AK7: variants seen among roughly 807,000 people sequenced by gnomAD.
The protein encoded by AK7 is ATP-AMP transphosphorylase 7.
In AK7, 78 loss-of-function variants were observed where a neutral mutation model predicts 96.6. The ratio of observed to expected loss-of-function variants is 0.81; its 90% CI spans 0.67 to 0.97. AK7 has a LOEUF of 0.97. AK7 is among the 50% of genes least tolerant of loss of function. The probability of loss-of-function intolerance (pLI) is 0.00; values close to 1 mark genes in which losing one functional copy is unlikely to be tolerated. For synonymous variants in AK7, 302 were observed against 317.2 expected (o/e 0.95, Z 0.51); for missense variants, 855 against 887.9 (o/e 0.96, Z 0.47).
chr14:96,404,068 T>C (rs929104380), intron 2 of AK7, among the ~76,000 whole-genome samples: 4 of 146,180 alleles, frequency 2.7e-5, no homozygotes, highest in African/African-American at 1.0e-4. Flanking sequence ...CACTTGGACC[T>C]GGGAGGGGGA....
intron 10 of AK7, among the ~76,000 whole-genome samples, chr14:96,455,965 G>A (rs1184683415): frequency 2.0e-5 from 3 of 151,884 alleles, no homozygotes; most frequent in East Asian, 3.9e-4. Context: ...CCAGCCAGAC[G>A]TGGTGGCTCA....
At chr14:96,393,532 G>C (rs1889876320) in intron 1 of AK7, among the ~76,000 whole-genome samples, 1 of 152,138 alleles carries the variant, frequency 6.6e-6, no homozygotes, top group Admixed American at 6.5e-5. Context: ...CCTAGCTTCT[G>C]GTAGTTGCCA....
At chr14:96,416,105 C>T (rs72706823) in intron 4 of AK7, among the ~76,000 whole-genome samples, 379 of 152,138 alleles carry the variant, frequency 2.5e-3, no homozygotes, top group Non-Finnish European at 3.8e-3. Context: ...GAATCCAGGC[C>T]GGGCACAGTG....
At chr14:96,470,029 G>A (rs1725489621) in intron 12 of AK7, among the ~76,000 whole-genome samples, 1 of 152,060 alleles carries the variant, frequency 6.6e-6, no homozygotes. Context: ...TGTTGGTCAG[G>A]CTGGTCTCGA....
chr14:96,405,767 G>T (rs947240654), intron 3 of AK7, among the ~76,000 whole-genome samples: 2 of 152,198 alleles, frequency 1.3e-5, no homozygotes, highest in African/African-American at 2.4e-5. Context: ...GATGCCAAAG[G>T]TCAAGGAAGG....
intron 16 of AK7, among the ~76,000 whole-genome samples, chr14:96,483,922 T>G (rs935496865): frequency 2.6e-4 from 39 of 152,060 alleles, no homozygotes; most frequent in African/African-American, 9.2e-4. Context: ...TAGTAAGTGA[T>G]TCTGCTTCCA....
chr14:96,457,134 C>G (rs755181590), intron 11 of AK7: 1 of 137,522 alleles, frequency 7.3e-6, no homozygotes, highest in African/African-American at 2.7e-5. Context: ...GATTTTGGCT[C>G]ACTGCAACCT....
At chr14:96,410,688 T>C (rs1022274310) in intron 4 of AK7, among the ~76,000 whole-genome samples, 7 of 152,220 alleles carry the variant, frequency 4.6e-5, no homozygotes, top group Non-Finnish European at 1.0e-4. Context: ...ATGATGGTTT[T>C]AAATGATTTA....
At chr14:96,475,328 A>T (rs575360714) in intron 14 of AK7, among the ~76,000 whole-genome samples, 1 of 152,278 alleles carries the variant, frequency 6.6e-6, no homozygotes, top group East Asian at 1.9e-4. Flanking sequence ...TTCCCTAGAG[A>T]TGGGGGCACA....
rs765239316 is a variant in AK7, at chr14:96,478,526, T to C, written c.1617T>C (p.Pro539=). 2 of 1,614,088 alleles carry C rather than the reference T, an allele frequency of 1.2e-6. No homozygotes were observed. The highest frequency in any genetic ancestry group is 1.3e-5 in the African/African-American group (1 of 74,934). ...EFLKERVINL[P]ESIVAGTHYS... is the part of the protein sequence containing the mutation. ...TGAAGGAGCGTGTGATAAACCTTCC[T>C]GAGAGCATCGTGGCGGGGACCCACT... The change falls in exon 15 of 18, where the codon CCT becomes CCC. Residue 539 remains proline, a synonymous_variant. Transcript: ENST00000267584.
In AK7 at chr14:96,489,111, C is replaced by A. The variant is rs967877886; in HGVS notation, c.*768C>A. On this transcript the variant is annotated 3_prime_UTR_variant, in exon 18 of 18. Transcript: ENST00000267584. ...TGAGAAATTAGTTTAGGTTTAATGG[C>A]ATATGTATTTTATCTCTTTAAATAA... is the stretch of plus-strand genomic sequence containing the variant. 1.3e-5 allele frequency: 2 copies of A among 152,196 alleles called. No individual in the cohort carries two copies. Among genetic ancestry groups the A allele is most frequent in the African/African-American group, 4.8e-5 (2 of 41,462 alleles). The allele number at this position is 152,196 out of a possible 1,614,324, so 9.4% of individuals were successfully genotyped here.
At chr14:96,445,817 C>CATCT (rs370058744) in intron 7 of AK7, among the ~76,000 whole-genome samples, 37 of 152,262 alleles carry the variant, frequency 2.4e-4, no homozygotes, top group African/African-American at 8.9e-4. Flanking sequence ...TTGTGATAGA[C>CATCT]ATCTATTCAC....
At chr14:96,438,484 A>G (rs1330508195) in intron 6 of AK7, among the ~76,000 whole-genome samples, 1 of 152,196 alleles carries the variant, frequency 6.6e-6, no homozygotes, top group East Asian at 1.9e-4. Flanking sequence ...CTTTCTGGAG[A>G]AAGACATCCC....
At chr14:96,487,432 C>CT (rs1164556067) in intron 17 of AK7, among the ~76,000 whole-genome samples, 2,173 of 119,518 alleles carry the variant, frequency 0.018, 86 homozygotes, top group African/African-American at 0.062. Flanking sequence ...CTGCCTGAAT[C>CT]TTTTTTTTTT....
At chr14:96,463,053 C>T (rs1894345337) in intron 12 of AK7, among the ~76,000 whole-genome samples, 1 of 151,894 alleles carries the variant, frequency 6.6e-6, no homozygotes, top group South Asian at 2.1e-4. Context: ...AGGAGAATCG[C>T]TTGAACCCTA....
intron 9 of AK7, among the ~76,000 whole-genome samples, chr14:96,450,157 C>T (rs1893507318): frequency 6.6e-6 from 1 of 152,052 alleles, no homozygotes; most frequent in Admixed American, 6.6e-5. Flanking sequence ...TGATTCACGC[C>T]TATAATCCCA....
chr14:96,415,744 AAATT>A (rs1176176703), intron 4 of AK7, among the ~76,000 whole-genome samples: 8 of 148,682 alleles, frequency 5.4e-5, no homozygotes, highest in East Asian at 1.9e-4. Flanking sequence ...TACATTAATT[AAATT>A]AATTAATTTA....
chr14:96,395,744 A>G (rs1001027419), intron 1 of AK7, among the ~76,000 whole-genome samples: 11 of 145,882 alleles, frequency 7.5e-5, no homozygotes, highest in Non-Finnish European at 1.5e-5. Context: ...AAAAAAAAAA[A>G]GAATGAGGGA....
rs149094743 is a variant in AK7 at position 96,456,374 on chromosome 14, C to T, written c.1126C>T (p.Pro376Ser). The T allele has an allele frequency of 1.5e-5, 25 of 1,613,592 alleles. No individual in the cohort carries two copies. The highest frequency in any genetic ancestry group is 2.0e-5 in the Non-Finnish European group (24 of 1,179,776). The change falls in exon 11 of 18, where the codon CCT (proline) becomes TCT (serine). Residue 376 changes from proline (P) to serine (S), a missense_variant. Coordinates refer to ENST00000267584, the MANE Select transcript of AK7 (RefSeq NM_152327.5). Reference protein sequence around the residue: ...MPIKICILGPPAVGKSSIAKE... With the variant: ...MPIKICILGPSAVGKSSIAKE... ...AATCAAGATCTGCATTCTTGGTCCC[C>T]CTGCTGTGGGAAAATCCAGTATTGC...
Sources: gnomAD v4.1 joint callset for allele counts (sites outside exome capture counted in the v4.1 genomes callset) on GRCh38, gnomAD v4.1.1 for gene constraint, MANE v1.5 for transcripts, NCBI Gene and HGNC (gene_info 2026-07-23, HGNC 2026-07-21) for gene names.